ITGA4: variants seen among roughly 807,000 people sequenced by gnomAD.
ITGA4 encodes integrin alpha-4.
A neutral mutation model predicts 133.6 loss-of-function variants in ITGA4; 63 were observed. The ratio of observed to expected loss-of-function variants is 0.47; its 90% CI spans 0.38 to 0.58. The LOEUF (loss-of-function observed/expected upper bound fraction) is 0.58, where lower values mean the gene tolerates loss of function less well. ITGA4 is among the 20% of genes least tolerant of loss of function. The pLI, the probability that ITGA4 is intolerant of heterozygous loss-of-function variation, is 0.00. For missense variants in ITGA4, 1,076 were observed against 1,252.7 expected (o/e 0.86, Z 2.13); for synonymous variants, 483 against 438.0 (o/e 1.10, Z -1.28).
At chr2:181,482,822 G>C (rs1685836285) in intron 9 of ITGA4, among the ~76,000 whole-genome samples, 171 bp downstream of exon 9, 1 of 152,038 alleles carries the variant, frequency 6.6e-6, no homozygotes, top group African/African-American at 2.4e-5. Flanking sequence ...TGATGAATGG[G>C]AAAGTTTCCC....
In ITGA4 at chr2:181,475,276, C is replaced by T. The variant is rs1305355794; in HGVS notation, c.544C>T (p.Pro182Ser). The change falls in exon 4 of 28, where the codon CCG becomes TCG. Residue 182 changes from proline to serine, a missense_variant. Around this residue, in one of 4 missense-constraint regions of ITGA4, gnomAD observed 436 missense variants for 590.7 expected, o/e 0.74. Coordinates refer to ENST00000397033, the MANE Select transcript of ITGA4 (RefSeq NM_000885.6). ...LRTELSKRIA[P>S]CYQDYVKKFG... ...AACAGAACTGAGTAAAAGAATAGCT[C>T]CGTGTTATCAAGGTAAGGCATGATT... 3.1e-6 allele frequency: 5 copies of T among 1,612,526 alleles called. No homozygotes were observed. Among genetic ancestry groups the T allele is most frequent in the Non-Finnish European group, 4.2e-6 (5 of 1,178,708 alleles).
At chr2:181,514,597 T>A (rs1686570311) in intron 17 of ITGA4, among the ~76,000 whole-genome samples, 1 of 149,350 alleles carries the variant, frequency 6.7e-6, no homozygotes, top group African/African-American at 2.4e-5. Flanking sequence ...ATTTTCTTCC[T>A]AAACCGCTTA....
chr2:181,522,915 T>C (rs1333763267), intron 18 of ITGA4, among the ~76,000 whole-genome samples: 1 of 152,166 alleles, frequency 6.6e-6, no homozygotes, highest in South Asian at 2.1e-4. Flanking sequence ...TTTATACTTA[T>C]TGCAATTATA....
At chr2:181,513,617 A>T (rs1439119903) in intron 17 of ITGA4, among the ~76,000 whole-genome samples, 3 of 152,078 alleles carry the variant, frequency 2.0e-5, no homozygotes, top group Admixed American at 2.0e-4. Context: ...TACACATGTG[A>T]TAACAGTGCT....
chr2:181,524,858 G>A (rs1173817187), intron 20 of ITGA4, among the ~76,000 whole-genome samples: 2 of 151,816 alleles, frequency 1.3e-5, no homozygotes, highest in Non-Finnish European at 2.9e-5. Context: ...CCTAAAGAGA[G>A]TAATAGATTT....
Position 181,531,795 on chromosome 2 carries a change from T to C in ITGA4, c.2784+19T>C, listed in dbSNP as rs932842890. The C allele has an allele frequency of 5.1e-6, 8 of 1,573,726 alleles. No individual in the cohort carries two copies. Among genetic ancestry groups the C allele is most frequent in the African/African-American group, 2.7e-5 (2 of 72,742 alleles). On this transcript the variant is annotated intron_variant, in intron 25 of 27. Transcript: ENST00000397033. ...AGAAATGGTAAGTAAGTCTAAAACA[T>C]TGACAACTTGGTGGCTAAGTTTACA...
intron 23 of ITGA4, among the ~76,000 whole-genome samples, chr2:181,530,259 A>G (rs182654417): frequency 2.2e-4 from 34 of 152,346 alleles, no homozygotes; most frequent in African/African-American, 7.0e-4. Flanking sequence ...TAATGTTCCA[A>G]TATCATTTTT....
At chr2:181,533,800 CTTAGAAT>C (rs1686995129) in intron 25 of ITGA4, among the ~76,000 whole-genome samples, 1 of 152,146 alleles carries the variant, frequency 6.6e-6, no homozygotes, top group African/African-American at 2.4e-5. Context: ...CCTAAAGATT[CTTAGAAT>C]TTATAAAGCC....
At position 181,523,843 on chromosome 2, in the gene ITGA4, A is replaced by G. The variant is rs1209880770; in HGVS notation, c.2169+311A>G. On this transcript the variant is annotated intron_variant, in intron 19 of 27. Coordinates refer to ENST00000397033, the MANE Select transcript of ITGA4 (RefSeq NM_000885.6). This position sits in a 1 kb window ranked among gnomAD's most constrained non-coding sequence, Gnocchi z 4.2. ...CCGCAGGTGGTCCTGTCTGCCAGGCATGTTACCTCTGCTATACAAAAAGGT... is the reference window on the plus strand; with the variant it reads ...CCGCAGGTGGTCCTGTCTGCCAGGCGTGTTACCTCTGCTATACAAAAAGGT... 6.6e-6 allele frequency among the ~76,000 whole-genome samples: 1 copy of G among 152,132 alleles called. No homozygotes were observed. Among genetic ancestry groups the G allele is most frequent in the Non-Finnish European group, 1.5e-5 (1 of 68,028 alleles).
At position 181,495,764 on chromosome 2, in the gene ITGA4, A is replaced by G. The variant is rs190705582; in HGVS notation, c.1386-19A>G. The G allele has an allele frequency of 3.3e-4, 529 of 1,599,550 alleles. 1 individual carries two copies. In the African/African-American group the frequency reaches 5.6e-3, roughly 17 times the overall value. Reference sequence around the variant, plus strand: ...AAATAATTCTGCAATTAACATTGCTACTTTTATTTCCTTCTCAGGACAAGA... The same window carrying G: ...AAATAATTCTGCAATTAACATTGCTGCTTTTATTTCCTTCTCAGGACAAGA... On this transcript the variant is annotated intron_variant, in intron 13 of 27. Transcript: ENST00000397033. The surrounding 1 kb of genome is among the most constrained non-coding windows in gnomAD (Gnocchi z 4.3).
chr2:181,530,897 G>C (rs1686931633), intron 24 of ITGA4, among the ~76,000 whole-genome samples: 1 of 152,080 alleles, frequency 6.6e-6, no homozygotes, highest in South Asian at 2.1e-4. Flanking sequence ...GGGAGGCCGA[G>C]GTGGGCAGAT....
chr2:181,480,056 C>A, intron 5 of ITGA4, 81 bp from the exon 6 acceptor site: 1 of 874,788 alleles, frequency 1.1e-6, no homozygotes, highest in Non-Finnish European at 1.7e-6. Context: ...AAAATATGTT[C>A]TCTTCACTAT....
chr2:181,507,957 T>C (rs551326306), intron 15 of ITGA4, among the ~76,000 whole-genome samples: 1 of 152,234 alleles, frequency 6.6e-6, no homozygotes, highest in South Asian at 2.1e-4. Context: ...TGACAAATGC[T>C]TTCAAAGATT....
In ITGA4 at chr2:181,537,950, A is replaced by C. The variant is rs1687254852; in HGVS notation, c.*2423A>C. ...GCATTAGATTCTCATAGAAGTGCGA[A>C]CCATATGGTGAACTGGTATGTGAGG... is the stretch of plus-strand genomic sequence containing the variant. On this transcript the variant is annotated 3_prime_UTR_variant, in exon 28 of 28. Coordinates refer to ENST00000397033, the MANE Select transcript of ITGA4 (RefSeq NM_000885.6). 1.6e-6 allele frequency: 1 copy of C among 627,708 alleles called. No individual in the cohort carries two copies. Among genetic ancestry groups the C allele is most frequent in the African/African-American group, 1.8e-5 (1 of 55,416 alleles). The allele number at this position is 627,708 out of a possible 1,614,324, so 38.9% of individuals were successfully genotyped here.
chr2:181,463,600 G>A (rs1232897135), intron 2 of ITGA4, among the ~76,000 whole-genome samples: 1 of 152,146 alleles, frequency 6.6e-6, no homozygotes, highest in Non-Finnish European at 1.5e-5. Context: ...AATTTGGGCT[G>A]TGACATGGAT....
chr2:181,509,723 C>T lies in ITGA4; in HGVS notation c.1761C>T (p.Val587=). ...CTGCTTACCACCTTGGTCCTCATGT[C>T]ATCAGTAAACGAAGTACAGAGGAAT... is the stretch of plus-strand genomic sequence containing the variant. The part of the protein sequence containing the change: ...IEAAYHLGPH[V]ISKRSTEEFP... Residue 587 remains valine, a synonymous_variant, in exon 16 of 28, where the codon GTC becomes GTT. Coordinates refer to ENST00000397033, the MANE Select transcript of ITGA4 (RefSeq NM_000885.6). The T allele has an allele frequency of 6.2e-7, 1 of 1,611,166 alleles. No individual in the cohort carries two copies. The highest frequency in any genetic ancestry group is 8.5e-7 in the Non-Finnish European group (1 of 1,178,242).
chr2:181,480,197 A>G lies in ITGA4; in HGVS notation c.685A>G (p.Asn229Asp). The change falls in exon 6 of 28, where the codon AAT becomes GAT. Residue 229 changes from asparagine to aspartate, a missense_variant. Asn to Asp is a conservative substitution (Grantham distance 23). Transcript: ENST00000397033. ...CTGGACTGGCTCTCTTTTTGTCTACAATATAACTACAAATAAATACAAGGC... is the reference window on the plus strand; with the variant it reads ...CTGGACTGGCTCTCTTTTTGTCTACGATATAACTACAAATAAATACAAGGC... ...SYWTGSLFVY[N>D]ITTNKYKAFL... 1 of 1,555,854 alleles carries G rather than the reference A, an allele frequency of 6.4e-7. No homozygotes were observed. The highest frequency in any genetic ancestry group is 8.7e-7 in the Non-Finnish European group (1 of 1,149,144).
chr2:181,479,960 C>T (rs1289035562), intron 5 of ITGA4, among the ~76,000 whole-genome samples, 177 bp from the exon 6 acceptor site: 1 of 151,604 alleles, frequency 6.6e-6, no homozygotes, highest in South Asian at 2.1e-4. Context: ...TTTTAGAAAT[C>T]CATTAGCCAA....
intron 4 of ITGA4, chr2:181,476,026 T>C (rs1227350726): frequency 2.2e-6 from 2 of 921,858 alleles, no homozygotes; most frequent in Non-Finnish European, 3.0e-6. Flanking sequence ...AAAAATTTTA[T>C]TGGTTGGCAA....
Sources: gnomAD v4.1 joint callset for allele counts (sites outside exome capture counted in the v4.1 genomes callset) on GRCh38, gnomAD v4.1.1 for gene constraint, gnomAD v4.1.1 regional missense constraint, Gnocchi (gnomAD v3.1) non-coding constraint, MANE v1.5 for transcripts, NCBI Gene and HGNC (gene_info 2026-07-23, HGNC 2026-07-21) for gene names.